The following MAP4K3 variants were observed in gnomAD, a reference collection of about 807,000 sequenced individuals.
MAP4K3 encodes the protein mitogen-activated protein kinase kinase kinase kinase 3, also known as MAPK/ERK kinase kinase kinase 3.
Under a neutral mutation model 143.5 loss-of-function variants are expected in MAP4K3, and 94 were observed. That is an observed-to-expected ratio of 0.65 (90% confidence interval 0.55 to 0.78). MAP4K3 has a LOEUF of 0.78. Ranked by LOEUF, MAP4K3 falls within the 30% of genes least tolerant of loss-of-function variation. The pLI is 0.00. For synonymous variants in MAP4K3, 416 were observed against 347.2 expected (o/e 1.20, Z -2.20); for missense variants, 1,077 against 1,068.1 (o/e 1.01, Z -0.12).
intron 4 of MAP4K3, among the ~76,000 whole-genome samples, 199 bp from the exon 5 acceptor site, chr2:39,337,780 T>TG (rs1665013156): frequency 6.9e-6 from 1 of 145,706 alleles, no homozygotes; most frequent in Admixed American, 6.9e-5. Context: ...TTTTTTTTTT[T>TG]GAGACAGGGT....
At chr2:39,344,600 T>C (rs1195453345) in intron 3 of MAP4K3, among the ~76,000 whole-genome samples, 2 of 152,212 alleles carry the variant, frequency 1.3e-5, no homozygotes, top group Non-Finnish European at 2.9e-5. Context: ...ATATTTACTA[T>C]GTATCCCTTT....
intron 12 of MAP4K3, among the ~76,000 whole-genome samples, chr2:39,321,518 T>C (rs570047369): frequency 2.0e-3 from 311 of 152,272 alleles, no homozygotes; most frequent in African/African-American, 7.1e-3. Context: ...CCCCATGTGA[T>C]AGTCTGAAAT....
At chr2:39,424,236 G>A (rs771055529) in intron 1 of MAP4K3, among the ~76,000 whole-genome samples, 3 of 152,144 alleles carry the variant, frequency 2.0e-5, no homozygotes, top group South Asian at 4.1e-4. Context: ...GAGCCATCGC[G>A]CCCGGCCTGG....
intron 2 of MAP4K3, among the ~76,000 whole-genome samples, chr2:39,374,707 T>G (rs1484705010): frequency 6.6e-6 from 1 of 151,892 alleles, no homozygotes; most frequent in Non-Finnish European, 1.5e-5. Context: ...TAAACAAAAT[T>G]TTTTAAATTT....
intron 31 of MAP4K3, among the ~76,000 whole-genome samples, chr2:39,254,901 T>A (rs1474226757): frequency 6.6e-6 from 1 of 152,082 alleles, no homozygotes; most frequent in Non-Finnish European, 1.5e-5. Context: ...TTTTCAAAAA[T>A]AAAATACTGC....
intron 1 of MAP4K3, among the ~76,000 whole-genome samples, chr2:39,436,308 T>A (rs1249432082): frequency 6.6e-6 from 1 of 150,908 alleles, no homozygotes; most frequent in East Asian, 1.9e-4. Flanking sequence ...GAAAACAAAG[T>A]TGCTCTTTCC....
At chr2:39,336,357 C>A (rs553344659) in intron 6 of MAP4K3, among the ~76,000 whole-genome samples, 42 of 151,316 alleles carry the variant, frequency 2.8e-4, no homozygotes, top group Non-Finnish European at 5.5e-4. Context: ...GCTGTAATCC[C>A]AGCTACTCGG....
At chr2:39,256,331 C>T (rs1680342877) in intron 31 of MAP4K3, among the ~76,000 whole-genome samples, 1 of 152,182 alleles carries the variant, frequency 6.6e-6, no homozygotes, top group Non-Finnish European at 1.5e-5. Context: ...TAATAGCAAA[C>T]ATCCTTATTT....
chr2:39,413,319 T>A (rs1667280449), intron 1 of MAP4K3, among the ~76,000 whole-genome samples: 1 of 152,128 alleles, frequency 6.6e-6, no homozygotes, highest in Non-Finnish European at 1.5e-5. Flanking sequence ...CACACACATT[T>A]ACCTAATTAA....
intron 13 of MAP4K3, among the ~76,000 whole-genome samples, chr2:39,313,556 G>A (rs1480647537): frequency 6.6e-6 from 1 of 150,998 alleles, no homozygotes; most frequent in Non-Finnish European, 1.5e-5. Flanking sequence ...CTGTCGCCAA[G>A]GCTGCAGTGC....
At chr2:39,331,608 C>T (rs370936540) in intron 8 of MAP4K3, among the ~76,000 whole-genome samples, 6 of 152,212 alleles carry the variant, frequency 3.9e-5, no homozygotes, top group Admixed American at 6.5e-5. Flanking sequence ...GATATAAAAA[C>T]ACCTGTGAAA....
intron 3 of MAP4K3, among the ~76,000 whole-genome samples, chr2:39,349,797 T>C (rs1393954836): frequency 1.3e-5 from 2 of 152,120 alleles, no homozygotes; most frequent in Non-Finnish European, 2.9e-5. Context: ...AAATAAAACT[T>C]CTAATTCTGT....
In MAP4K3 at chr2:39,309,442, C is replaced by G; in HGVS notation, c.1056+19G>C. On this transcript the variant is annotated intron_variant, in intron 14 of 33. Coordinates refer to ENST00000263881, the MANE Select transcript of MAP4K3 (RefSeq NM_003618.4). The stretch of plus-strand genomic sequence containing the variant: ...AACATTTATTTTCAGTGCTAACATT[C>G]TAAGGCTATACTACTTACAAGTTCA... 6.5e-7 allele frequency: 1 copy of G among 1,549,482 alleles called. No individual in the cohort carries two copies. The highest frequency in any genetic ancestry group is 8.8e-7 in the Non-Finnish European group (1 of 1,139,782).
intron 1 of MAP4K3, among the ~76,000 whole-genome samples, chr2:39,420,129 G>A (rs757452835): frequency 6.6e-6 from 1 of 152,158 alleles, no homozygotes; most frequent in Admixed American, 6.5e-5. Context: ...GGCACTGAAA[G>A]GAATACAAGA....
chr2:39,428,096 G>A (rs957174740), intron 1 of MAP4K3, among the ~76,000 whole-genome samples: 1 of 151,568 alleles, frequency 6.6e-6, no homozygotes, highest in African/African-American at 2.4e-5. Flanking sequence ...TATTTATATA[G>A]TTTTATTGTT....
At chr2:39,297,157 G>A (rs1682315551) in intron 16 of MAP4K3, among the ~76,000 whole-genome samples, 2 of 149,890 alleles carry the variant, frequency 1.3e-5, no homozygotes, top group South Asian at 2.1e-4. Context: ...CACTCTTGTC[G>A]CCCAGGCTGG....
At chr2:39,377,940 A>G (rs1666262635) in intron 2 of MAP4K3, 126 bp downstream of exon 2, 2 of 659,410 alleles carry the variant, frequency 3.0e-6, no homozygotes, top group Non-Finnish European at 2.7e-6. Flanking sequence ...AAGGGCATAC[A>G]AGCAGCTCTA....
At chr2:39,333,883 AC>A (rs1181601821) in intron 6 of MAP4K3, among the ~76,000 whole-genome samples, 1 of 151,934 alleles carries the variant, frequency 6.6e-6, no homozygotes, top group Non-Finnish European at 1.5e-5. Context: ...AAACACTATC[AC>A]CACACTATAA....
chr2:39,378,951 T>A (rs1462525330), intron 1 of MAP4K3, among the ~76,000 whole-genome samples: 1 of 151,924 alleles, frequency 6.6e-6, no homozygotes, highest in Non-Finnish European at 1.5e-5. Context: ...AGTAAGTCTT[T>A]GTCAATTTAA....
Sources: allele counts gnomAD v4.1 joint callset (sites outside exome capture counted in the v4.1 genomes callset), GRCh38; gene constraint gnomAD v4.1.1; transcripts MANE v1.5; gene names NCBI Gene and HGNC (gene_info 2026-07-23, HGNC 2026-07-21).